The following ZNF248 variants were observed in gnomAD, a reference collection of about 807,000 sequenced individuals.
ZNF248 encodes KRAB protein domain.
ZNF248 carries 20 observed loss-of-function variants against 44.3 expected under a neutral mutation model. That is an observed-to-expected ratio of 0.45 (90% CI 0.32 to 0.66). The LOEUF (loss-of-function observed/expected upper bound fraction) is 0.66, where lower values mean the gene tolerates loss of function less well. Ranked by LOEUF, ZNF248 falls within the 30% of genes least tolerant of loss-of-function variation. The pLI is 0.04. For synonymous variants in ZNF248, 224 were observed against 229.0 expected, an observed-to-expected ratio of 0.98 and a Z score of 0.20; for missense variants, 654 against 677.0, an observed-to-expected ratio of 0.97 and a Z score of 0.38.
chr10:37,767,026 G>A, the ZNF248 span, among the ~76,000 whole-genome samples: 1 of 152,170 alleles, frequency 6.6e-6, no homozygotes, highest in African/African-American at 2.4e-5. Flanking sequence ...GGGTATCAGT[G>A]ATGGAAGATG....
downstream of ZNF248, among the ~76,000 whole-genome samples, chr10:37,772,920 C>T (rs2046319306): frequency 6.6e-6 from 1 of 152,124 alleles, no homozygotes; most frequent in South Asian, 2.1e-4. Flanking sequence ...AATGAAGTTT[C>T]ACTACAAATT....
At position 37,856,347 on chromosome 10, in the gene ZNF248, T is replaced by C; in HGVS notation, c.-27-10A>G. 1.2e-6 allele frequency: 2 copies of C among 1,613,302 alleles called. No homozygotes were observed. The highest frequency in any genetic ancestry group is 8.5e-7 in the Non-Finnish European group (1 of 1,179,692). ...AGTGGAGGAAGGAGAGCTGAAGGAT[T>C]AGAAAGGAAGAATGTCAGGAGAGCC... On this transcript the variant is annotated splice_polypyrimidine_tract_variant and intron_variant, in intron 2 of 5. Coordinates refer to ENST00000395867, the MANE Select transcript of ZNF248 (RefSeq NM_021045.3).
Position 37,831,731 on chromosome 10 carries a change from G to C in ZNF248, c.1624C>G (p.His542Asp), listed in dbSNP as rs764813658. 6.2e-7 allele frequency: 1 copy of C among 1,613,170 alleles called. No homozygotes were observed. The highest frequency in any genetic ancestry group is 1.3e-5 in the African/African-American group (1 of 74,912). The change falls in exon 6 of 6, where the codon CAC becomes GAC. Residue 542 changes from histidine (H) to aspartate (D), a missense_variant. Transcript: ENST00000395867. ...KSALTKHQRT[H>D]TGEKPYECNA... ...CACTCATACGGCTTCTCCCCTGTGT[G>C]AGTCCTCTGATGTTTAGTGAGAGCT...
intron 5 of ZNF248, among the ~76,000 whole-genome samples, chr10:37,837,379 C>T (rs2057439113): frequency 6.6e-6 from 1 of 152,164 alleles, no homozygotes; most frequent in Admixed American, 6.5e-5. Flanking sequence ...TCCCAAAGTG[C>T]TGGGATTACA....
At chr10:37,760,368 C>G in the ZNF248 span, among the ~76,000 whole-genome samples, 123 of 152,208 alleles carry the variant, frequency 8.1e-4, no homozygotes, top group Non-Finnish European at 1.3e-3. Flanking sequence ...GTAGCCAGGT[C>G]TACAGGCACA....
chr10:37,794,552 A>C (rs2048914819), intron 6 of ZNF248: 1 of 161,938 alleles, frequency 6.2e-6, no homozygotes, highest in African/African-American at 2.4e-5. Flanking sequence ...TTACCACTGA[A>C]AGTTTTCCCA....
At chr10:37,851,850 G>A (rs1387524661) in intron 3 of ZNF248, among the ~76,000 whole-genome samples, 8 of 148,120 alleles carry the variant, frequency 5.4e-5, no homozygotes, top group African/African-American at 2.0e-4. Context: ...CATGCGTACA[G>A]TGGCTAGCGG....
downstream of ZNF248, among the ~76,000 whole-genome samples, chr10:37,825,301 A>C (rs1443416338): frequency 6.6e-6 from 1 of 152,196 alleles, no homozygotes; most frequent in African/African-American, 2.4e-5. Context: ...TTATTTTTAA[A>C]TTGTTCAATG....
rs1327927875 is a variant in ZNF248, at chr10:37,845,311, C to T, written c.16-7200G>A. On this transcript the variant is annotated intron_variant, in intron 3 of 5. Transcript: ENST00000395867. ...GGGATTACGGGCAAGAGCCACCATG[C>T]TCGGCCACCTTTAATTCTAAATAGG... Among the ~76,000 whole-genome samples, 3 of 151,458 alleles carry T rather than the reference C, an allele frequency of 2.0e-5. No individual in the cohort carries two copies. The East Asian group carries it at 5.8e-4, about 29-fold the overall frequency.
intron 3 of ZNF248, among the ~76,000 whole-genome samples, chr10:37,850,205 T>C (rs1400992246): frequency 6.6e-6 from 1 of 152,200 alleles, no homozygotes; most frequent in African/African-American, 2.4e-5. Context: ...CTGTACCAAC[T>C]CTCTTTGAAC....
chr10:37,819,556 A>T, intron 6 of ZNF248: 1 of 943,070 alleles, frequency 1.1e-6, no homozygotes, highest in Middle Eastern at 3.2e-4. Context: ...TTAGCATTGG[A>T]TGATCTTTAA....
chr10:37,776,264 A>G (rs1283108648), downstream of ZNF248: 3 of 263,820 alleles, frequency 1.1e-5, no homozygotes, highest in East Asian at 1.9e-4. Flanking sequence ...TCCACAGCAT[A>G]CCCCTTTCCA....
At chr10:37,801,736 C>T (rs1345359653) in intron 6 of ZNF248, among the ~76,000 whole-genome samples, 1 of 152,094 alleles carries the variant, frequency 6.6e-6, no homozygotes, top group Non-Finnish European at 1.5e-5. Context: ...AGTCTGACAA[C>T]ACCAAGTGTC....
At chr10:37,827,492 C>T (rs188134293), downstream of ZNF248, among the ~76,000 whole-genome samples, 109 of 152,274 alleles carry the variant, frequency 7.2e-4, no homozygotes, top group Non-Finnish European at 1.3e-3. Context: ...TTCATAAGTG[C>T]TGTCTAGGAG....
chr10:37,765,885 T>G, the ZNF248 span, among the ~76,000 whole-genome samples: 1 of 152,188 alleles, frequency 6.6e-6, no homozygotes, highest in Non-Finnish European at 1.5e-5. Context: ...AGATGGCACA[T>G]GGAAAATTGG....
rs2053368474 is a variant in ZNF248, at chr10:37,820,961, G to A, written c.330+12064C>T. On this transcript the variant is annotated intron_variant, in intron 6 of 6. Coordinates refer to the ZNF248 transcript ENST00000615949. ...AATAATTCCTGCCGTCGTGGGTCCAGGCTATGCAATTCTTCCATCATTTCT... is the reference window on the plus strand; with the variant it reads ...AATAATTCCTGCCGTCGTGGGTCCAAGCTATGCAATTCTTCCATCATTTCT... 26 of 1,595,024 alleles carry A rather than the reference G, an allele frequency of 1.6e-5. 1 individual carries two copies. The South Asian group carries it at 2.6e-4, about 16-fold the overall frequency.
chr10:37,767,298 G>A, the ZNF248 span, among the ~76,000 whole-genome samples: 1 of 152,074 alleles, frequency 6.6e-6, no homozygotes, highest in African/African-American at 2.4e-5. Context: ...TCCTCGAGAA[G>A]AGCAAGTCCA....
At chr10:37,762,256 T>C in the ZNF248 span, among the ~76,000 whole-genome samples, 7 of 152,320 alleles carry the variant, frequency 4.6e-5, no homozygotes, top group South Asian at 6.2e-4. Flanking sequence ...TTCCTCATAA[T>C]AGTGCTAACA....
intron 6 of ZNF248, among the ~76,000 whole-genome samples, chr10:37,786,759 G>T (rs2047916545): frequency 6.6e-6 from 1 of 152,064 alleles, no homozygotes; most frequent in African/African-American, 2.4e-5. Flanking sequence ...CTACCTTTGT[G>T]TATTTTATGA....
Sources: gnomAD v4.1 joint callset for allele counts (sites outside exome capture counted in the v4.1 genomes callset) on GRCh38, gnomAD v4.1.1 for gene constraint, MANE v1.5 for transcripts, NCBI Gene and HGNC (gene_info 2026-07-23, HGNC 2026-07-21) for gene names.